Variants in MCF2L2 observed in about 807,000 individuals in gnomAD.
The protein encoded by MCF2L2 is MCF.2 cell line derived transforming sequence-like 2.
Under a neutral mutation model 150.2 loss-of-function variants are expected in MCF2L2, and 102 were observed. The observed-to-expected ratio is 0.68, with a 90% CI of 0.58 to 0.80. The LOEUF is 0.80. MCF2L2 is among the 30% of genes least tolerant of loss of function. MCF2L2 has a pLI of 0.00. For synonymous variants in MCF2L2, 465 were observed against 491.3 expected, an observed-to-expected ratio of 0.95 and a Z score of 0.71; for missense variants, 1,256 against 1,372.8, an observed-to-expected ratio of 0.91 and a Z score of 1.34.
intron 1 of MCF2L2, among the ~76,000 whole-genome samples, chr3:183,402,969 T>C (rs965026697): frequency 6.6e-6 from 1 of 151,792 alleles, no homozygotes; most frequent in Non-Finnish European, 1.5e-5. Context: ...TATTCTTTAC[T>C]TGAGGAAGGA....
chr3:183,242,667 G>A (rs1724082488), intron 15 of MCF2L2, among the ~76,000 whole-genome samples: 1 of 152,216 alleles, frequency 6.6e-6, no homozygotes, highest in South Asian at 2.1e-4. Context: ...ATCTCTGCTA[G>A]GGGAGTATGG....
intron 1 of MCF2L2, among the ~76,000 whole-genome samples, chr3:183,421,311 C>G (rs1212116974): frequency 6.6e-6 from 1 of 152,184 alleles, no homozygotes; most frequent in African/African-American, 2.4e-5. Context: ...AGTGCACTTA[C>G]TAGTGTCTCA....
intron 3 of MCF2L2, among the ~76,000 whole-genome samples, chr3:183,361,114 A>AGACAAGACAAGACAAGACAAGACAAGAC (rs1560040371): frequency 6.7e-6 from 1 of 149,912 alleles, no homozygotes; most frequent in African/African-American, 2.5e-5. Flanking sequence ...AGAAAAGAAA[A>AGACAAGACAAGACAAGACAAGACAAGAC]AAGAAAAAGA....
intron 3 of MCF2L2, among the ~76,000 whole-genome samples, chr3:183,346,653 T>C (rs1484836488): frequency 6.6e-6 from 1 of 152,190 alleles, no homozygotes; most frequent in Admixed American, 6.5e-5. Context: ...ATTGTATATT[T>C]AGAAAACTCC....
intron 14 of MCF2L2, among the ~76,000 whole-genome samples, chr3:183,277,701 C>A (rs778715876): frequency 6.5e-4 from 97 of 149,430 alleles, no homozygotes; most frequent in Non-Finnish European, 1.2e-3. Flanking sequence ...TGGGGTTTCA[C>A]CATGTTGGCT....
At position 183,228,296 on chromosome 3, in the gene MCF2L2, C is replaced by T. The variant is rs764530293; in HGVS notation, c.2115+1G>A. ...ATTATTTACTGGGAGTACAGACTTA[C>T]TCTCTTGAGAAAGCAATGTGCCAGA... On this transcript the variant is annotated splice_donor_variant, in intron 18 of 29. Coordinates refer to ENST00000328913, the MANE Select transcript of MCF2L2 (RefSeq NM_015078.4). LOFTEE classifies it high-confidence loss of function. 38 of 1,611,602 alleles carry T rather than the reference C, an allele frequency of 2.4e-5. No individual in the cohort carries two copies. Among genetic ancestry groups the T allele is most frequent in the Non-Finnish European group, 3.1e-5 (37 of 1,177,970 alleles).
chr3:183,296,617 T>C (rs931147825), intron 12 of MCF2L2: 2 of 185,774 alleles, frequency 1.1e-5, no homozygotes, highest in African/African-American at 2.3e-5. Flanking sequence ...TGTAACACAT[T>C]TTTGTGTGAT....
chr3:183,317,003 G>C (rs1427875536), intron 7 of MCF2L2, among the ~76,000 whole-genome samples: 1 of 152,122 alleles, frequency 6.6e-6, no homozygotes, highest in Non-Finnish European at 1.5e-5. Context: ...AACTACGCCC[G>C]GCCATTGTTT....
At chr3:183,372,823 G>A (rs1277701331) in intron 3 of MCF2L2, 1 of 152,242 alleles carries the variant, frequency 6.6e-6, no homozygotes, top group African/African-American at 2.4e-5. Flanking sequence ...AGAACTGGAA[G>A]TTAAAATAAG....
At chr3:183,202,809 A>G (rs1722335091) in intron 25 of MCF2L2, among the ~76,000 whole-genome samples, 1 of 152,258 alleles carries the variant, frequency 6.6e-6, no homozygotes, top group African/African-American at 2.4e-5. Context: ...CAGAGTTGCT[A>G]CATTATGTTA....
intron 26 of MCF2L2, among the ~76,000 whole-genome samples, chr3:183,193,934 T>C (rs772456822): frequency 3.7e-4 from 57 of 152,168 alleles, no homozygotes; most frequent in Admixed American, 6.5e-5. Context: ...AAATATTTAC[T>C]GAGCACCTAC....
intron 1 of MCF2L2, among the ~76,000 whole-genome samples, chr3:183,403,654 T>C (rs1714889505): frequency 6.6e-6 from 1 of 152,228 alleles, no homozygotes; most frequent in Admixed American, 6.5e-5. Context: ...CGAAGGAATC[T>C]TTTGTTGAAG....
At chr3:183,206,714 A>G (rs1354564513) in intron 23 of MCF2L2, among the ~76,000 whole-genome samples, 1 of 152,100 alleles carries the variant, frequency 6.6e-6, no homozygotes, top group Non-Finnish European at 1.5e-5. Flanking sequence ...TCTACTAAAA[A>G]TACAAAATTA....
chr3:183,292,766 T>C (rs1177857419), intron 13 of MCF2L2, among the ~76,000 whole-genome samples: 1 of 152,216 alleles, frequency 6.6e-6, no homozygotes, highest in Non-Finnish European at 1.5e-5. Flanking sequence ...TATGATTTCC[T>C]ATATTTTGCA....
intron 1 of MCF2L2, among the ~76,000 whole-genome samples, chr3:183,391,110 C>T (rs369989417): frequency 6.6e-6 from 1 of 152,062 alleles, no homozygotes; most frequent in Non-Finnish European, 1.5e-5. Flanking sequence ...TGGGAAGGTC[C>T]TCTCTGAGTC....
At chr3:183,234,722 G>A (rs1307332920) in intron 15 of MCF2L2, among the ~76,000 whole-genome samples, 8 of 78,338 alleles carry the variant, frequency 1.0e-4, no homozygotes, top group East Asian at 3.6e-4. Flanking sequence ...TATACTCTAA[G>A]TTTTAGGGTA....
At chr3:183,309,932 A>C (rs547323728) in intron 9 of MCF2L2, 97 bp from the exon 10 acceptor site, 5 of 1,453,658 alleles carry the variant, frequency 3.4e-6, no homozygotes, top group Admixed American at 2.1e-5. Context: ...AATTCCAAAA[A>C]GGATTCAAGA....
In MCF2L2 at chr3:183,178,618, C is replaced by T. The variant is rs1345806019; in HGVS notation, c.*762G>A. The T allele has an allele frequency of 1.3e-5, 2 of 152,028 alleles. No homozygotes were observed. Among genetic ancestry groups the T allele is most frequent in the Non-Finnish European group, 2.9e-5 (2 of 68,000 alleles). 9.4% of individuals were successfully genotyped at this position (152,028 alleles called of 1,614,324 possible). On this transcript the variant is annotated 3_prime_UTR_variant, in exon 30 of 30. Coordinates refer to ENST00000328913, the MANE Select transcript of MCF2L2 (RefSeq NM_015078.4). ...AGTAACTATAAACCAGTAACTGAAA[C>T]TATAAAATTAAATAACCAGAAAGCT... is the stretch of plus-strand genomic sequence containing the variant.
At chr3:183,340,055 T>C (rs1400241954) in intron 4 of MCF2L2, among the ~76,000 whole-genome samples, 7 of 152,310 alleles carry the variant, frequency 4.6e-5, no homozygotes, top group African/African-American at 7.2e-5. Flanking sequence ...TGGCTGCAGT[T>C]ATCCCAAAGA....
Sources: gnomAD v4.1 joint callset for allele counts (sites outside exome capture counted in the v4.1 genomes callset) on GRCh38, gnomAD v4.1.1 for gene constraint, MANE v1.5 for transcripts, NCBI Gene and HGNC (gene_info 2026-07-23, HGNC 2026-07-21) for gene names.